YAP1: variants seen among roughly 807,000 people sequenced by gnomAD.
The protein encoded by YAP1 is Yes1 associated transcriptional regulator, also known as transcriptional coactivator YAP1.
YAP1 carries 5 observed loss-of-function variants against 56.9 expected under a neutral mutation model. The ratio of observed to expected loss-of-function variants is 0.09; its 90% CI spans 0.05 to 0.18. The LOEUF is 0.18. YAP1 is among the 10% of genes least tolerant of loss of function. The probability of loss-of-function intolerance (pLI) is 1.00; values close to 1 mark genes in which losing one functional copy is unlikely to be tolerated. For synonymous variants in YAP1, 265 were observed against 248.1 expected (o/e 1.07, Z -0.64); for missense variants, 539 against 651.8 (o/e 0.83, Z 1.88).
intron 4 of YAP1, among the ~76,000 whole-genome samples, chr11:102,188,447 C>T (rs1050987028): frequency 2.0e-5 from 3 of 152,122 alleles, no homozygotes; most frequent in African/African-American, 7.2e-5. Flanking sequence ...TAGAATATAG[C>T]CATTTGCTTT....
At chr11:102,148,913 AT>A (rs1436079956) in intron 2 of YAP1, among the ~76,000 whole-genome samples, 4 of 152,296 alleles carry the variant, frequency 2.6e-5, no homozygotes, top group African/African-American at 9.6e-5. Flanking sequence ...ATCTTTTAAT[AT>A]TGCCAAACAG....
chr11:102,200,497 T>G (rs929137526), intron 4 of YAP1, among the ~76,000 whole-genome samples: 1 of 150,084 alleles, frequency 6.7e-6, no homozygotes, highest in African/African-American at 2.5e-5. Flanking sequence ...CAGGCTGGAG[T>G]GCAATGATGC....
chr11:102,233,308 G>A lies in YAP1; in HGVS notation c.*3368G>A, dbSNP rs1369297004. On this transcript the variant is annotated 3_prime_UTR_variant, in exon 9 of 9. Transcript: ENST00000282441. ...TGTTACCTTTTTATTTTTTGTTTTA[G>A]ATGTAAGAGCATGCTCATATGTTAG... is the stretch of plus-strand genomic sequence containing the variant. The A allele has an allele frequency of 6.6e-6, 1 of 152,014 alleles. No homozygotes were observed. The highest frequency in any genetic ancestry group is 2.4e-5 in the African/African-American group (1 of 41,378). The allele number at this position is 152,014 out of a possible 1,614,324, so 9.4% of individuals were successfully genotyped here. A position where few individuals can be genotyped will look rare whatever the true frequency, so the allele number is the denominator to read the frequency against.
chr11:102,119,367 A>G (rs1207914334), intron 2 of YAP1, among the ~76,000 whole-genome samples: 1 of 152,152 alleles, frequency 6.6e-6, no homozygotes, highest in Non-Finnish European at 1.5e-5. Flanking sequence ...AAAGAAGTTC[A>G]CTAGAACTTC....
Position 102,122,895 on chromosome 11 carries a change from C to CAAAAAAA in YAP1, c.572+8516_572+8522dup, listed in dbSNP as rs56934997. The stretch of plus-strand genomic sequence containing the variant: ...TGGGGGACAAGAGCGAGACTTCTCT[C>CAAAAAAA]AAAAAAAAAAAAAAAAAAAAAGCAA... On this transcript the variant is annotated intron_variant, in intron 2 of 8. Coordinates refer to ENST00000282441, the MANE Select transcript of YAP1 (RefSeq NM_001130145.3). Among the ~76,000 whole-genome samples, 122 of 79,450 alleles carry CAAAAAAA rather than the reference C, an allele frequency of 1.5e-3. 7 individuals carry two copies. The highest frequency in any genetic ancestry group is 3.6e-3 in the African/African-American group (77 of 21,386). The allele number at this position is 79,450 out of a possible 152,430, so 52.1% of individuals were successfully genotyped here.
intron 2 of YAP1, among the ~76,000 whole-genome samples, chr11:102,144,990 A>G (rs890217937): frequency 6.6e-6 from 1 of 152,070 alleles, no homozygotes; most frequent in Non-Finnish European, 1.5e-5. Context: ...TTTTGTTTAA[A>G]AGAGGGATTA....
intron 3 of YAP1, among the ~76,000 whole-genome samples, chr11:102,174,615 C>A (rs1384129400): frequency 6.6e-6 from 1 of 151,798 alleles, no homozygotes; most frequent in African/African-American, 2.4e-5. Flanking sequence ...TGTAAAGGCA[C>A]AAAACAAGTC....
At chr11:102,130,720 CTTTTT>C (rs61175592) in intron 2 of YAP1, among the ~76,000 whole-genome samples, 164 of 98,162 alleles carry the variant, frequency 1.7e-3, no homozygotes, top group African/African-American at 5.3e-3. Flanking sequence ...GATAACTACT[CTTTTT>C]TTTTTTTTTT....
chr11:102,226,195 A>G (rs1251028646), intron 7 of YAP1, among the ~76,000 whole-genome samples: 1 of 152,212 alleles, frequency 6.6e-6, no homozygotes, highest in Non-Finnish European at 1.5e-5. Context: ...GCCTTCTCAT[A>G]TATGGCTGCA....
intron 4 of YAP1, among the ~76,000 whole-genome samples, chr11:102,198,409 GTGT>G (rs1948680838): frequency 6.6e-6 from 1 of 152,134 alleles, no homozygotes; most frequent in Admixed American, 6.5e-5. Flanking sequence ...TTGCTATTCA[GTGT>G]TTTTCACCAA....
intron 6 of YAP1, among the ~76,000 whole-genome samples, chr11:102,220,522 A>G (rs1383045697): frequency 6.6e-6 from 1 of 152,168 alleles, no homozygotes; most frequent in Non-Finnish European, 1.5e-5. Context: ...ATAAAATTAT[A>G]TGTACATCAG....
At chr11:102,175,357 G>A (rs779546626) in intron 3 of YAP1, among the ~76,000 whole-genome samples, 33 of 152,134 alleles carry the variant, frequency 2.2e-4, no homozygotes, top group Non-Finnish European at 1.9e-4. Context: ...CCAAGATCGC[G>A]CCACTGCACT....
At chr11:102,130,644 C>G (rs143556347) in intron 2 of YAP1, among the ~76,000 whole-genome samples, 89 of 150,992 alleles carry the variant, frequency 5.9e-4, no homozygotes, top group African/African-American at 2.0e-3. Context: ...CTCAAGCAAT[C>G]TGCTCACTTC....
rs61751183 is a variant in YAP1 at position 102,229,779 on chromosome 11, A to G, written c.1354A>G (p.Asn452Asp). 198 of 1,614,076 alleles carry G rather than the reference A, an allele frequency of 1.2e-4. No homozygotes were observed. The highest frequency in any genetic ancestry group is 7.4e-5 in the Non-Finnish European group (87 of 1,180,022). ...PDYLEAIPGT[N>D]VDLGTLEGDG... is the part of the protein sequence containing the mutation. Reference sequence around the variant, plus strand: ...CTACCTTGAAGCCATTCCTGGGACAAATGTGGACCTTGGAACACTGGAAGG... The same window carrying G: ...CTACCTTGAAGCCATTCCTGGGACAGATGTGGACCTTGGAACACTGGAAGG... The change falls in exon 9 of 9, where the codon AAT becomes GAT. Residue 452 changes from asparagine to aspartate, a missense_variant. Asn to Asp is a conservative substitution (Grantham distance 23). Transcript: ENST00000282441.
intron 4 of YAP1, among the ~76,000 whole-genome samples, chr11:102,197,798 G>A (rs111393333): frequency 9.9e-5 from 15 of 152,270 alleles, no homozygotes; most frequent in African/African-American, 3.4e-4. Flanking sequence ...TTGATAGCCA[G>A]AGGAAGAAGT....
At chr11:102,169,309 G>C (rs1263217048) in intron 3 of YAP1, among the ~76,000 whole-genome samples, 1 of 152,154 alleles carries the variant, frequency 6.6e-6, no homozygotes, top group South Asian at 2.1e-4. Flanking sequence ...GTAATACCTG[G>C]TAGCCACTGT....
intron 3 of YAP1, among the ~76,000 whole-genome samples, chr11:102,167,908 G>A (rs1367405959): frequency 2.6e-5 from 4 of 152,058 alleles, no homozygotes. Context: ...CAGGCATGGT[G>A]GCCACACACC....
intron 2 of YAP1, among the ~76,000 whole-genome samples, chr11:102,125,890 A>G (rs896549675): frequency 7.9e-5 from 12 of 152,060 alleles, no homozygotes; most frequent in South Asian, 6.2e-4. Context: ...CGGAAGTTGC[A>G]GGGACCCCTG....
At chr11:102,131,569 T>C (rs1367330196) in intron 2 of YAP1, among the ~76,000 whole-genome samples, 5 of 152,250 alleles carry the variant, frequency 3.3e-5, no homozygotes, top group Non-Finnish European at 5.9e-5. Flanking sequence ...GATGACATGC[T>C]ATAGAGTGCT....
Sources: gnomAD v4.1 joint callset for allele counts (sites outside exome capture counted in the v4.1 genomes callset) on GRCh38, gnomAD v4.1.1 for gene constraint, MANE v1.5 for transcripts, NCBI Gene and HGNC (gene_info 2026-07-23, HGNC 2026-07-21) for gene names.